SLC23A2: variants seen among roughly 807,000 people sequenced by gnomAD.
SLC23A2 encodes the protein solute carrier family 23 member 2.
SLC23A2 carries 36 observed loss-of-function variants against 73.3 expected under a neutral mutation model. The ratio of observed to expected loss-of-function variants is 0.49; its 90% CI spans 0.38 to 0.65. SLC23A2 has a LOEUF of 0.65. Ranked by LOEUF, SLC23A2 falls within the 30% of genes least tolerant of loss-of-function variation. The pLI is 0.00. For synonymous variants in SLC23A2, 343 were observed against 327.3 expected, an observed-to-expected ratio of 1.05 and a Z score of -0.52; for missense variants, 507 against 841.6, an observed-to-expected ratio of 0.60 and a Z score of 4.92.
intron 1 of SLC23A2, among the ~76,000 whole-genome samples, chr20:4,994,962 A>C (rs1480482933): frequency 2.6e-5 from 4 of 152,038 alleles, no homozygotes; most frequent in African/African-American, 7.2e-5. Flanking sequence ...AGAAAGAAAG[A>C]AAGCAATTGT....
At chr20:4,881,140 C>T (rs776118866) in intron 9 of SLC23A2, among the ~76,000 whole-genome samples, 7 of 152,136 alleles carry the variant, frequency 4.6e-5, no homozygotes, top group Non-Finnish European at 2.9e-5. Flanking sequence ...GTGCCATTCA[C>T]CGAAAGGAGG....
intron 1 of SLC23A2, among the ~76,000 whole-genome samples, chr20:5,007,200 C>G (rs1051353707): frequency 5.3e-5 from 8 of 152,048 alleles, no homozygotes; most frequent in African/African-American, 1.9e-4. Flanking sequence ...ATAATACTCC[C>G]ATTTTAAGGT....
At chr20:4,996,886 G>A (rs1426470813) in intron 1 of SLC23A2, among the ~76,000 whole-genome samples, 8 of 151,920 alleles carry the variant, frequency 5.3e-5, no homozygotes, top group African/African-American at 1.9e-4. Flanking sequence ...AAGCTCCCAA[G>A]ATTTATATTT....
At chr20:4,994,358 A>C (rs2087981175) in intron 1 of SLC23A2, among the ~76,000 whole-genome samples, 1 of 152,046 alleles carries the variant, frequency 6.6e-6, no homozygotes, top group African/African-American at 2.4e-5. Flanking sequence ...TTTGACAAGG[A>C]AGGTGTTGTA....
At chr20:4,860,847 C>T (rs950917275) in intron 15 of SLC23A2, among the ~76,000 whole-genome samples, 15 of 152,144 alleles carry the variant, frequency 9.9e-5, no homozygotes, top group Non-Finnish European at 1.6e-4. Flanking sequence ...TCAAGACTAG[C>T]CTGGCCAACA....
upstream of SLC23A2, among the ~76,000 whole-genome samples, chr20:5,003,792 C>G (rs1485984016): frequency 1.3e-5 from 2 of 152,114 alleles, no homozygotes; most frequent in Non-Finnish European, 2.9e-5. Context: ...ACCCCTCAGG[C>G]ACTGTCCCTC....
chr20:4,983,441 T>C (rs1015173985), intron 1 of SLC23A2, among the ~76,000 whole-genome samples: 42 of 144,234 alleles, frequency 2.9e-4, no homozygotes, highest in Non-Finnish European at 5.3e-4. Context: ...GGTGAGGAGA[T>C]CGAGACCATC....
chr20:4,922,029 T>G (rs1424474203), intron 3 of SLC23A2, among the ~76,000 whole-genome samples: 1 of 152,230 alleles, frequency 6.6e-6, no homozygotes, highest in African/African-American at 2.4e-5. Context: ...AAGTACTTTA[T>G]CAAATCCTAG....
intron 9 of SLC23A2, among the ~76,000 whole-genome samples, chr20:4,881,303 T>A (rs923330438): frequency 2.6e-5 from 4 of 152,126 alleles, no homozygotes; most frequent in Non-Finnish European, 5.9e-5. Context: ...GAACTACAGG[T>A]TTCCATGGAA....
chr20:4,896,878 C>CA (rs1296170307), intron 6 of SLC23A2, among the ~76,000 whole-genome samples: 1 of 152,210 alleles, frequency 6.6e-6, no homozygotes, highest in African/African-American at 2.4e-5. Flanking sequence ...TGTGCCTGGG[C>CA]AGGGGGATCA....
chr20:4,980,903 G>A lies in SLC23A2; in HGVS notation c.-281-9984C>T, dbSNP rs564411194. On this transcript the variant is annotated intron_variant, in intron 1 of 16. Transcript: ENST00000338244. ...AAAATAAGCTACTTTATGTATACGC[G>A]TTCCACCACAATCCTAATATTCCTT... 2.5e-3 allele frequency among the ~76,000 whole-genome samples: 379 copies of A among 152,208 alleles called. 1 individual carries two copies. Among genetic ancestry groups the A allele is most frequent in the South Asian group, 4.6e-3 (22 of 4,814 alleles).
At chr20:4,957,426 A>C (rs548430902) in intron 2 of SLC23A2, among the ~76,000 whole-genome samples, 15 of 151,976 alleles carry the variant, frequency 9.9e-5, no homozygotes, top group Non-Finnish European at 1.9e-4. Context: ...ATGACACTGC[A>C]CTCAAGCCTG....
chr20:4,867,960 CA>C, intron 12 of SLC23A2, 85 bp from the exon 13 acceptor site: 2 of 791,136 alleles, frequency 2.5e-6, no homozygotes, highest in Non-Finnish European at 2.1e-6. Flanking sequence ...ATCTACAATC[CA>C]AAAATGTGGT....
Position 4,899,729 on chromosome 20 carries a change from G to T in SLC23A2, c.325-17C>A, listed in dbSNP as rs779772932. On this transcript the variant is annotated splice_polypyrimidine_tract_variant and intron_variant, in intron 5 of 16. Transcript: ENST00000338244. This position sits in a 1 kb window ranked among gnomAD's most constrained non-coding sequence, Gnocchi z 4.9. ...CAGGTAGTGCTGTGGGCAGGAAAAG[G>T]GTCAGAGGAGAAACAGTAAACCCTT... 2 of 1,612,934 alleles carry T rather than the reference G, an allele frequency of 1.2e-6. No homozygotes were observed. Among genetic ancestry groups the T allele is most frequent in the South Asian group, 1.1e-5 (1 of 91,034 alleles).
rs2087136405 is a variant in SLC23A2, at chr20:4,947,525, A to G, written c.-154-14809T>C. Among the ~76,000 whole-genome samples the G allele has an allele frequency of 6.6e-6, 1 of 152,232 alleles. No homozygotes were observed. The highest frequency in any genetic ancestry group is 1.5e-5 in the Non-Finnish European group (1 of 68,036). Reference sequence around the variant, plus strand: ...AAAGCTAATTTTATATGGAATTTTAACAACAAGATAAAAACATGTGCATAA... The same window carrying G: ...AAAGCTAATTTTATATGGAATTTTAGCAACAAGATAAAAACATGTGCATAA... On this transcript the variant is annotated intron_variant, in intron 2 of 16. Coordinates refer to ENST00000338244, the MANE Select transcript of SLC23A2 (RefSeq NM_005116.6). The surrounding 1 kb of genome is among the most constrained non-coding windows in gnomAD (Gnocchi z 4.4).
At chr20:4,894,156 G>A (rs1381351317) in intron 6 of SLC23A2, among the ~76,000 whole-genome samples, 4 of 152,132 alleles carry the variant, frequency 2.6e-5, no homozygotes, top group African/African-American at 4.8e-5. Flanking sequence ...TTGAAACCTC[G>A]CTCAGGGGAA....
At chr20:4,975,294 T>G (rs970807065) in intron 1 of SLC23A2, among the ~76,000 whole-genome samples, 2 of 152,298 alleles carry the variant, frequency 1.3e-5, no homozygotes, top group South Asian at 4.1e-4. Flanking sequence ...AACTATGTAT[T>G]TCTTCATTGG....
At chr20:4,927,735 G>C (rs1195172286) in intron 3 of SLC23A2, among the ~76,000 whole-genome samples, 1 of 151,856 alleles carries the variant, frequency 6.6e-6, no homozygotes, top group Non-Finnish European at 1.5e-5. Context: ...CTCCTTCTTT[G>C]GCCCTCAAAA....
chr20:4,936,248 G>A (rs2086960187), intron 2 of SLC23A2, among the ~76,000 whole-genome samples: 1 of 152,198 alleles, frequency 6.6e-6, no homozygotes, highest in African/African-American at 2.4e-5. Context: ...AGGAGCCACA[G>A]TGGACCTCTG....
Sources: gnomAD v4.1 joint callset for allele counts (sites outside exome capture counted in the v4.1 genomes callset) on GRCh38, gnomAD v4.1.1 for gene constraint, Gnocchi (gnomAD v3.1) non-coding constraint, MANE v1.5 for transcripts, NCBI Gene and HGNC (gene_info 2026-07-23, HGNC 2026-07-21) for gene names.